Variants in EZR observed in about 807,000 individuals in gnomAD.
EZR encodes the protein ezrin.
In EZR, 40 loss-of-function variants were observed where a neutral mutation model predicts 74.8. That is an observed-to-expected ratio of 0.53 (90% confidence interval 0.42 to 0.70). The LOEUF is 0.70. Among genes scored for constraint, EZR ranks in the 30% least tolerant of loss-of-function variants. EZR has a pLI of 0.00. For missense variants in EZR, 678 were observed against 755.8 expected, an observed-to-expected ratio of 0.90 and a Z score of 1.21; for synonymous variants, 341 against 283.3, an observed-to-expected ratio of 1.20 and a Z score of -2.05.
In EZR at chr6:158,770,832, A is replaced by G; in HGVS notation, c.1022T>C (p.Met341Thr). 6.2e-7 allele frequency: 1 copy of G among 1,614,094 alleles called. No homozygotes were observed. The highest frequency in any genetic ancestry group is 1.1e-5 in the South Asian group (1 of 91,076). The change falls in exon 10 of 14, where the codon ATG (methionine) becomes ACG (threonine). Residue 341 changes from methionine (M) to threonine (T), a missense_variant. By Grantham distance (81) the Met-to-Thr change is moderately conservative (BLOSUM62 -1). Around this residue, in one of 3 missense-constraint regions of EZR, gnomAD observed 342 missense variants for 341.2 expected, o/e 1.00. Coordinates refer to ENST00000367075, the MANE Select transcript of EZR (RefSeq NM_001111077.2). ...ETVEREKEQM[M>T]REKEELMLRL... ...CAGCATCAACTCCTCCTTCTCGCGC[A>G]TCATCTGCTCTTTCTCTCTCTCCAC...
At chr6:158,780,801 C>T (rs3123108) in intron 7 of EZR, among the ~76,000 whole-genome samples, 79,956 of 152,078 alleles carry the variant, frequency 0.53, 21,937 homozygotes, top group Non-Finnish European at 0.61. Context: ...AACTGAACTT[C>T]CTCTGTTCAC....
At chr6:158,793,041 C>G (rs898673939) in intron 2 of EZR, among the ~76,000 whole-genome samples, 1 of 151,888 alleles carries the variant, frequency 6.6e-6, no homozygotes, top group African/African-American at 2.4e-5. Context: ...ATCAGGGAGG[C>G]CAGGCCCATT....
chr6:158,803,244 C>T (rs9457465), intron 2 of EZR, among the ~76,000 whole-genome samples: 4,254 of 151,484 alleles, frequency 0.028, 78 homozygotes, highest in Non-Finnish European at 0.044. Flanking sequence ...GTTATATAAA[C>T]GTATGTTTTA....
intron 10 of EZR, among the ~76,000 whole-genome samples, chr6:158,770,355 A>G (rs1178450147): frequency 1.3e-5 from 2 of 152,072 alleles, no homozygotes; most frequent in Non-Finnish European, 1.5e-5. Flanking sequence ...GGGGTTGTTG[A>G]CTGGAGCTGT....
rs992198914 is a variant in EZR at position 158,784,127 on chromosome 6, T to C, written c.552-461A>G. Among the ~76,000 whole-genome samples, 9 of 152,274 alleles carry C rather than the reference T, an allele frequency of 5.9e-5. 1 individual carries two copies. In the Middle Eastern group the frequency reaches 0.014, roughly 230 times the overall value. The stretch of plus-strand genomic sequence containing the variant: ...AAACAAACTTCAGAGGCTGAAATAA[T>C]GCAGACTCGCAAGACTAGGCCAGAG... On this transcript the variant is annotated intron_variant, in intron 6 of 13. Transcript: ENST00000367075.
chr6:158,805,521 G>C (rs1018764772), intron 2 of EZR, among the ~76,000 whole-genome samples: 3 of 151,968 alleles, frequency 2.0e-5, no homozygotes, highest in Non-Finnish European at 4.4e-5. Flanking sequence ...AAGAAACTTC[G>C]ATTAGACAAG....
At chr6:158,767,935 A>C (rs1790956541) in intron 12 of EZR, among the ~76,000 whole-genome samples, 1 of 152,002 alleles carries the variant, frequency 6.6e-6, no homozygotes, top group African/African-American at 2.4e-5. Flanking sequence ...CATCCCAGCC[A>C]GCCCTAGAGT....
rs542595982 is a variant in EZR at position 158,787,310 on chromosome 6, A to G, written c.97-107T>C. 3 of 813,954 alleles carry G rather than the reference A, an allele frequency of 3.7e-6. No homozygotes were observed. The East Asian group carries it at 7.6e-5, about 21-fold the overall frequency. The allele number at this position is 813,954 out of a possible 1,614,324, so 50.4% of individuals were successfully genotyped here. A position where few individuals can be genotyped will look rare whatever the true frequency, so the allele number is the denominator to read the frequency against. On this transcript the variant is annotated intron_variant, in intron 3 of 13. Transcript: ENST00000367075. Reference sequence around the variant, plus strand: ...GGTCTAGCAGAGTCCCCAGGAAACCAGGACATCTGCTCAGTCCAACCACTG... The same window carrying G: ...GGTCTAGCAGAGTCCCCAGGAAACCGGGACATCTGCTCAGTCCAACCACTG...
intron 6 of EZR, 80 bp downstream of exon 6, chr6:158,784,564 G>GC (rs1033017526): frequency 9.6e-5 from 123 of 1,277,534 alleles, no homozygotes; most frequent in Non-Finnish European, 8.9e-5. Context: ...GCCCTTTAAA[G>GC]CACTAACTAG....
chr6:158,791,051 A>G (rs1468148347), intron 2 of EZR, among the ~76,000 whole-genome samples: 2 of 152,142 alleles, frequency 1.3e-5, no homozygotes, highest in African/African-American at 2.4e-5. Context: ...ACCAAATGTC[A>G]CTTCCTACTT....
chr6:158,768,488 A>T (rs566224432), intron 12 of EZR, among the ~76,000 whole-genome samples: 2 of 152,270 alleles, frequency 1.3e-5, no homozygotes, highest in Non-Finnish European at 2.9e-5. Context: ...GCCGGGAGAC[A>T]CGTCCCCAGA....
At chr6:158,777,913 TAA>T (rs35964138) in intron 7 of EZR, among the ~76,000 whole-genome samples, 1 of 151,410 alleles carries the variant, frequency 6.6e-6, no homozygotes, top group African/African-American at 2.4e-5. Flanking sequence ...CAATCCCCAT[TAA>T]AAAAAAACAC....
chr6:158,818,735 G>GAC (rs1210274202), intron 1 of EZR, among the ~76,000 whole-genome samples: 1 of 151,362 alleles, frequency 6.6e-6, no homozygotes, highest in Non-Finnish European at 1.5e-5. Flanking sequence ...GCGCCTGGGA[G>GAC]AGAGAGGGCG....
chr6:158,770,051 A>C, intron 10 of EZR, 107 bp from the exon 11 acceptor site: 1 of 1,429,234 alleles, frequency 7.0e-7, no homozygotes, highest in Non-Finnish European at 9.5e-7. Flanking sequence ...ACCAAGTCAC[A>C]GGTTGAGGGG....
At chr6:158,812,359 A>G (rs1398405954) in intron 2 of EZR, among the ~76,000 whole-genome samples, 4 of 152,138 alleles carry the variant, frequency 2.6e-5, no homozygotes, top group Admixed American at 2.6e-4. Context: ...CCCTTTTCCT[A>G]TTGAATCAGC....
chr6:158,816,143 A>T (rs1019051226), intron 2 of EZR, among the ~76,000 whole-genome samples: 2 of 152,218 alleles, frequency 1.3e-5, no homozygotes, highest in Non-Finnish European at 2.9e-5. Flanking sequence ...AGAGACAGAA[A>T]GTAGAATGGT....
intron 2 of EZR, among the ~76,000 whole-genome samples, chr6:158,803,543 A>T (rs1583582808): frequency 4.7e-5 from 1 of 21,462 alleles, no homozygotes; most frequent in Non-Finnish European, 8.8e-5. Context: ...ATATATATAT[A>T]TGTATATATA....
intron 2 of EZR, among the ~76,000 whole-genome samples, chr6:158,790,346 A>G (rs976531012): frequency 6.6e-6 from 1 of 152,216 alleles, no homozygotes; most frequent in African/African-American, 2.4e-5. Context: ...GGGCCTTAAA[A>G]TATTTCTAAT....
chr6:158,802,083 G>A (rs1482809957), intron 2 of EZR, among the ~76,000 whole-genome samples: 2 of 152,198 alleles, frequency 1.3e-5, no homozygotes, highest in African/African-American at 2.4e-5. Context: ...CCACAACGTA[G>A]TGCCCTTTAG....
Sources: allele counts gnomAD v4.1 joint callset (sites outside exome capture counted in the v4.1 genomes callset), GRCh38; gene constraint gnomAD v4.1.1; regional missense constraint gnomAD v4.1.1; transcripts MANE v1.5; gene names NCBI Gene and HGNC (gene_info 2026-07-23, HGNC 2026-07-21).